UBE2W: variants seen among roughly 807,000 people sequenced by gnomAD.
UBE2W encodes the protein ubiquitin-conjugating enzyme E2 W.
Under a neutral mutation model 27.2 loss-of-function variants are expected in UBE2W, and 18 were observed. The ratio of observed to expected loss-of-function variants is 0.66; its 90% CI spans 0.46 to 0.98. The LOEUF is 0.98. Among genes scored for constraint, UBE2W ranks in the 50% least tolerant of loss-of-function variants. The probability of loss-of-function intolerance (pLI) is 0.00; values close to 1 mark genes in which losing one functional copy is unlikely to be tolerated. For synonymous variants in UBE2W, 53 were observed against 57.2 expected (o/e 0.93, Z 0.33); for missense variants, 90 against 180.2 (o/e 0.50, Z 2.87).
At chr8:73,829,989 G>A (rs1810006217) in intron 2 of UBE2W, among the ~76,000 whole-genome samples, 1 of 152,042 alleles carries the variant, frequency 6.6e-6, no homozygotes, top group African/African-American at 2.4e-5. Flanking sequence ...GATGTTTTTA[G>A]GGCATGGGAT....
chr8:73,832,907 C>T (rs558856441), intron 1 of UBE2W, among the ~76,000 whole-genome samples: 6 of 152,228 alleles, frequency 3.9e-5, no homozygotes, highest in South Asian at 4.1e-4. Flanking sequence ...ACCCATAGTT[C>T]GGCTGGGCGT....
chr8:73,870,373 G>GTCCC, intron 1 of UBE2W: 2 of 1,404,206 alleles, frequency 1.4e-6, no homozygotes, highest in Non-Finnish European at 9.7e-7. Context: ...TTGATAGCTA[G>GTCCC]TGCAGGGACT....
intron 1 of UBE2W, among the ~76,000 whole-genome samples, chr8:73,843,117 A>C (rs570119942): frequency 6.6e-6 from 1 of 152,212 alleles, no homozygotes; most frequent in East Asian, 1.9e-4. Flanking sequence ...TGAAATGTCT[A>C]TAACAGTCAA....
chr8:73,783,541 A>C (rs1381763766), downstream of UBE2W, among the ~76,000 whole-genome samples: 1 of 152,082 alleles, frequency 6.6e-6, no homozygotes, highest in Admixed American at 6.5e-5. Context: ...CACTATGTCT[A>C]TCTTTATTCC....
intron 2 of UBE2W, among the ~76,000 whole-genome samples, chr8:73,826,325 G>A (rs1304754100): frequency 6.6e-6 from 1 of 152,162 alleles, no homozygotes; most frequent in East Asian, 1.9e-4. Context: ...AGCATTAGAA[G>A]CAAAAGTGAA....
At chr8:73,874,880 T>C (rs1421766746) in intron 1 of UBE2W, among the ~76,000 whole-genome samples, 6 of 152,068 alleles carry the variant, frequency 3.9e-5, no homozygotes, top group Non-Finnish European at 7.4e-5. Context: ...CTGGGCAACA[T>C]AGTGAAACCT....
chr8:73,873,485 C>T (rs1221014103), intron 1 of UBE2W, among the ~76,000 whole-genome samples: 6 of 151,940 alleles, frequency 3.9e-5, no homozygotes, highest in African/African-American at 1.5e-4. Flanking sequence ...GGGAAAAAAC[C>T]CATCTCTACA....
chr8:73,864,082 A>G (rs957155498), intron 1 of UBE2W, among the ~76,000 whole-genome samples: 6 of 152,228 alleles, frequency 3.9e-5, no homozygotes, highest in African/African-American at 1.4e-4. Context: ...CTTCCAAATC[A>G]AAAGTATACT....
rs1808130377 is a variant in UBE2W, at chr8:73,790,138, T to C, written c.*3964A>G. The stretch of plus-strand genomic sequence containing the variant: ...GCATTTTAAATTTTTCAAAAATTCA[T>C]GGCATAATTTTAATAATCGTCCTTC... On this transcript the variant is annotated 3_prime_UTR_variant, in exon 6 of 6. Transcript: ENST00000602593. 22 of 984,886 alleles carry C rather than the reference T, an allele frequency of 2.2e-5. No individual in the cohort carries two copies. Among genetic ancestry groups the C allele is most frequent in the East Asian group, 1.1e-4 (1 of 8,810 alleles). 61.0% of individuals were successfully genotyped at this position (984,886 alleles called of 1,614,324 possible).
chr8:73,797,219 A>G (rs1808458208), intron 5 of UBE2W, among the ~76,000 whole-genome samples: 1 of 152,200 alleles, frequency 6.6e-6, no homozygotes, highest in African/African-American at 2.4e-5. Flanking sequence ...TCTCCTGAGA[A>G]TAAAAACTAT....
At chr8:73,832,245 G>C (rs1458051337) in intron 1 of UBE2W, among the ~76,000 whole-genome samples, 4 of 151,924 alleles carry the variant, frequency 2.6e-5, no homozygotes, top group African/African-American at 9.7e-5. Context: ...AGGCTGCAGT[G>C]AACTATAGTT....
At position 73,792,788 on chromosome 8, in the gene UBE2W, C is replaced by A; in HGVS notation, c.*1314G>T. On this transcript the variant is annotated 3_prime_UTR_variant, in exon 6 of 6. Coordinates refer to ENST00000602593, the MANE Select transcript of UBE2W (RefSeq NM_018299.6). ...TGGTACTGAGAACTGGACCTTTCAA[C>A]AATTTTTTTTTTCTATAGAAAGTTT... 3 of 985,394 alleles carry A rather than the reference C, an allele frequency of 3.0e-6. No homozygotes were observed. Among genetic ancestry groups the A allele is most frequent in the Non-Finnish European group, 3.6e-6 (3 of 829,740 alleles). The allele number at this position is 985,394 out of a possible 1,614,324, so 61.0% of individuals were successfully genotyped here.
Position 73,791,539 on chromosome 8 carries a change from T to C in UBE2W, c.*2563A>G, listed in dbSNP as rs1223659136. 1.0e-6 allele frequency: 1 copy of C among 985,230 alleles called. No individual in the cohort carries two copies. Among genetic ancestry groups the C allele is most frequent in the East Asian group, 1.1e-4 (1 of 8,818 alleles). The allele number at this position is 985,230 out of a possible 1,614,324, so 61.0% of individuals were successfully genotyped here. On this transcript the variant is annotated 3_prime_UTR_variant, in exon 6 of 6. Transcript: ENST00000602593. ...ACATTTTCTTGATATTCTGGTTGTC[T>C]TTCAACAATGCATTACAGAGAAATA... is the stretch of plus-strand genomic sequence containing the variant.
At chr8:73,874,010 T>C (rs755718235) in intron 1 of UBE2W, among the ~76,000 whole-genome samples, 1 of 152,252 alleles carries the variant, frequency 6.6e-6, no homozygotes, top group Non-Finnish European at 1.5e-5. Flanking sequence ...AGACAGCATA[T>C]ATGTTAAAAT....
intron 5 of UBE2W, among the ~76,000 whole-genome samples, chr8:73,794,854 T>TAAAAAAAAAAAAAAAA (rs1289254274): frequency 2.3e-5 from 1 of 43,934 alleles, no homozygotes; most frequent in African/African-American, 9.0e-5. Context: ...CTCTGTCTCA[T>TAAAAAAAAAAAAAAAA]AAAAAAAAAA....
chr8:73,822,085 A>G (rs576711172), intron 3 of UBE2W, among the ~76,000 whole-genome samples: 1 of 152,298 alleles, frequency 6.6e-6, no homozygotes, highest in African/African-American at 2.4e-5. Context: ...ACAGTCCATG[A>G]CTAAAATCTA....
chr8:73,859,260 C>T (rs1393043223), intron 1 of UBE2W, among the ~76,000 whole-genome samples: 1 of 152,114 alleles, frequency 6.6e-6, no homozygotes. Context: ...AATCCCAGCA[C>T]TTTGGGAGGC....
intron 1 of UBE2W, among the ~76,000 whole-genome samples, chr8:73,841,603 C>T (rs1306313431): frequency 6.6e-6 from 1 of 152,110 alleles, no homozygotes; most frequent in African/African-American, 2.4e-5. Context: ...AGGAGAAAAA[C>T]CAGGACTGTG....
chr8:73,823,807 C>A (rs1809719481), intron 3 of UBE2W, among the ~76,000 whole-genome samples: 1 of 152,148 alleles, frequency 6.6e-6, no homozygotes, highest in Non-Finnish European at 1.5e-5. Flanking sequence ...CCATTTAAAT[C>A]TATGCTTTAA....
Sources: allele counts gnomAD v4.1 joint callset (sites outside exome capture counted in the v4.1 genomes callset), GRCh38; gene constraint gnomAD v4.1.1; transcripts MANE v1.5; gene names NCBI Gene and HGNC (gene_info 2026-07-23, HGNC 2026-07-21).